The following PCDHGA6 variants were observed in gnomAD, a reference collection of about 807,000 sequenced individuals.
The protein encoded by PCDHGA6 is protocadherin gamma-A6.
PCDHGA6 carries 41 observed loss-of-function variants against 60.6 expected under a neutral mutation model. The observed-to-expected ratio is 0.68, with a 90% CI of 0.53 to 0.88. PCDHGA6 has a LOEUF of 0.88. Among genes scored for constraint, PCDHGA6 ranks in the 40% least tolerant of loss-of-function variants. The pLI is 0.00. For missense variants in PCDHGA6, 1,312 were observed against 1,203.0 expected (o/e 1.09, Z -1.34); for synonymous variants, 594 against 524.4 (o/e 1.13, Z -1.81).
chr5:141,463,927 A>G (rs1454864391), intron 1 of PCDHGA6, among the ~76,000 whole-genome samples: 1 of 152,206 alleles, frequency 6.6e-6, no homozygotes, highest in Non-Finnish European at 1.5e-5. Flanking sequence ...AAATCATTCT[A>G]TATAAATTTA....
In PCDHGA6 at chr5:141,398,540, T is replaced by C. The variant is rs372892054; in HGVS notation, c.2424+22033T>C. On this transcript the variant is annotated intron_variant, in intron 1 of 3. Transcript: ENST00000517434. The stretch of plus-strand genomic sequence containing the variant: ...ACGCCAAAATTCACGCAAAATTCCT[T>C]TGAGCTGCAAATAAGTGAGTCTGCA... 12 of 1,613,764 alleles carry C rather than the reference T, an allele frequency of 7.4e-6. No homozygotes were observed. The African/African-American group carries it at 1.2e-4, about 16-fold the overall frequency.
rs376937850 is a variant in PCDHGA6 at position 141,491,097 on chromosome 5, C to T, written c.2425-3710C>T. The T allele has an allele frequency of 1.2e-6, 2 of 1,614,170 alleles. No homozygotes were observed. Among genetic ancestry groups the T allele is most frequent in the Non-Finnish European group, 1.7e-6 (2 of 1,180,018 alleles). On this transcript the variant is annotated intron_variant, in intron 1 of 3. Coordinates refer to ENST00000517434, the MANE Select transcript of PCDHGA6 (RefSeq NM_018919.3). The surrounding 1 kb of genome is among the most constrained non-coding windows in gnomAD (Gnocchi z 6.9). ...CACAGTCCACAGCCCCAGGACTGTT[C>T]CTCGTGTCTACACACACTGGTGAGG...
At position 141,489,963 on chromosome 5, in the gene PCDHGA6, C is replaced by A. The variant is rs779260164; in HGVS notation, c.2425-4844C>A. On this transcript the variant is annotated intron_variant, in intron 1 of 3. Coordinates refer to ENST00000517434, the MANE Select transcript of PCDHGA6 (RefSeq NM_018919.3). This position sits in a 1 kb window ranked among gnomAD's most constrained non-coding sequence, Gnocchi z 4.5. Reference sequence around the variant, plus strand: ...TGGACATCAATGATAATGCTCCAACCTTCCAATCCTCAGTTCTACGTGTGG... The same window carrying A: ...TGGACATCAATGATAATGCTCCAACATTCCAATCCTCAGTTCTACGTGTGG... The A allele has an allele frequency of 8.1e-6, 13 of 1,614,184 alleles. No homozygotes were observed. In the East Asian group the frequency reaches 2.2e-4, roughly 28 times the overall value.
intron 1 of PCDHGA6, among the ~76,000 whole-genome samples, chr5:141,443,905 A>G (rs963772369): frequency 6.6e-6 from 1 of 152,204 alleles, no homozygotes; most frequent in Admixed American, 6.5e-5. Context: ...TAGTAGGAAA[A>G]TTCATAAAAG....
At chr5:141,419,204 G>A (rs1291977951) in intron 1 of PCDHGA6, 1 of 1,613,798 alleles carries the variant, frequency 6.2e-7, no homozygotes, top group Non-Finnish European at 8.5e-7. Flanking sequence ...CAATGACAAC[G>A]CGCCGGTTTT....
At chr5:141,507,537 C>CA (rs140454890) in intron 3 of PCDHGA6, among the ~76,000 whole-genome samples, 3,617 of 152,286 alleles carry the variant, frequency 0.024, 53 homozygotes, top group East Asian at 0.043. Context: ...AGGCCAGAGA[C>CA]TGAGTATGAA....
chr5:141,401,503 C>A (rs755118621), intron 1 of PCDHGA6, among the ~76,000 whole-genome samples: 1 of 151,946 alleles, frequency 6.6e-6, no homozygotes, highest in Non-Finnish European at 1.5e-5. Flanking sequence ...AATCCTTTTC[C>A]ACCTCTATAT....
chr5:141,431,904 T>A lies in PCDHGA6; in HGVS notation c.2424+55397T>A. On this transcript the variant is annotated intron_variant, in intron 1 of 3. Transcript: ENST00000517434. The surrounding 1 kb of genome is among the most constrained non-coding windows in gnomAD (Gnocchi z 4.8). ...CAAGATTCTGAGGAAAACGGACAGG[T>A]GATCTGTTTCATCCAAGGAAATCTG... is the stretch of plus-strand genomic sequence containing the variant. 1 of 1,613,846 alleles carries A rather than the reference T, an allele frequency of 6.2e-7. No individual in the cohort carries two copies. Among genetic ancestry groups the A allele is most frequent in the Non-Finnish European group, 8.5e-7 (1 of 1,179,708 alleles).
Position 141,383,322 on chromosome 5 carries a change from A to G in PCDHGA6, c.2424+6815A>G, listed in dbSNP as rs369432251. 6.8e-6 allele frequency: 11 copies of G among 1,613,876 alleles called. No homozygotes were observed. The African/African-American group carries it at 1.3e-4, about 20-fold the overall frequency. ...TCTTGACGGAAGAAATAAATGTAAA[A>G]ATAATGGAGAATACAGCTCCTGGGG... is the stretch of plus-strand genomic sequence containing the variant. On this transcript the variant is annotated intron_variant, in intron 1 of 3. Coordinates refer to ENST00000517434, the MANE Select transcript of PCDHGA6 (RefSeq NM_018919.3).
chr5:141,487,442 G>A lies in PCDHGA6; in HGVS notation c.2425-7365G>A, dbSNP rs749842864. 1 of 1,613,918 alleles carries A rather than the reference G, an allele frequency of 6.2e-7. No homozygotes were observed. Among genetic ancestry groups the A allele is most frequent in the Non-Finnish European group, 8.5e-7 (1 of 1,179,798 alleles). On this transcript the variant is annotated intron_variant, in intron 1 of 3. Coordinates refer to ENST00000517434, the MANE Select transcript of PCDHGA6 (RefSeq NM_018919.3). The surrounding 1 kb of genome is among the most constrained non-coding windows in gnomAD (Gnocchi z 5.0). ...GATCCTCCGAATCCAGCTAGGGTCA[G>A]ATGACCCTATCAAGTTTGTTGATGT...
rs1299607088 is a variant in PCDHGA6 at position 141,472,933 on chromosome 5, C to T, written c.2425-21874C>T. ...CCCAAGAGGAGGAGGTTGTGGTGAG[C>T]CAAGATTATGCCATTGCACTCCAGC... On this transcript the variant is annotated intron_variant, in intron 1 of 3. Coordinates refer to ENST00000517434, the MANE Select transcript of PCDHGA6 (RefSeq NM_018919.3). Among the ~76,000 whole-genome samples, 4 of 143,758 alleles carry T rather than the reference C, an allele frequency of 2.8e-5. No individual in the cohort carries two copies. In the Admixed American group the frequency reaches 2.9e-4, roughly 10 times the overall value. 94.3% of individuals were successfully genotyped at this position (143,758 alleles called of 152,430 possible). A position where few individuals can be genotyped will look rare whatever the true frequency, so the allele number is the denominator to read the frequency against.
intron 2 of PCDHGA6, 145 bp downstream of exon 2, chr5:141,495,010 G>GT: frequency 6.6e-7 from 1 of 1,516,970 alleles, no homozygotes; most frequent in East Asian, 2.5e-5. Flanking sequence ...GTGTGCGGGG[G>GT]GCTGGCACAC....
chr5:141,384,252 C>T lies in PCDHGA6; in HGVS notation c.2424+7745C>T, dbSNP rs377503121. ...CAGACACCAACGATAACCCACCCAC[C>T]TTCCCCCACTCATCCTACTCAGTCT... is the stretch of plus-strand genomic sequence containing the variant. On this transcript the variant is annotated intron_variant, in intron 1 of 3. Coordinates refer to ENST00000517434, the MANE Select transcript of PCDHGA6 (RefSeq NM_018919.3). 204 of 1,613,902 alleles carry T rather than the reference C, an allele frequency of 1.3e-4. 1 individual carries two copies. The highest frequency in any genetic ancestry group is 1.5e-4 in the Non-Finnish European group (179 of 1,179,886).
chr5:141,421,895 G>A, intron 1 of PCDHGA6: 1 of 1,613,730 alleles, frequency 6.2e-7, no homozygotes, highest in African/African-American at 1.3e-5. Flanking sequence ...GATCCCATCC[G>A]AAAGGGCGCA....
chr5:141,494,891 C>G, intron 2 of PCDHGA6, 26 bp downstream of exon 2: 1 of 1,614,098 alleles, frequency 6.2e-7, no homozygotes. Flanking sequence ...TCCAGCCCAC[C>G]CTCTTCTCTG....
chr5:141,476,843 G>A lies in PCDHGA6; in HGVS notation c.2425-17964G>A, dbSNP rs2099399765. On this transcript the variant is annotated intron_variant, in intron 1 of 3. Transcript: ENST00000517434. The surrounding 1 kb of genome is among the most constrained non-coding windows in gnomAD (Gnocchi z 7.6). ...GCTGGACGCGAATGACAATGCGCCT[G>A]TCTTCAACCAGTCCTTGTACCGGGC... 1 of 1,613,706 alleles carries A rather than the reference G, an allele frequency of 6.2e-7. No individual in the cohort carries two copies. Among genetic ancestry groups the A allele is most frequent in the Non-Finnish European group, 8.5e-7 (1 of 1,180,046 alleles).
intron 1 of PCDHGA6, chr5:141,423,956 A>G: frequency 1.7e-6 from 2 of 1,182,724 alleles, no homozygotes; most frequent in Non-Finnish European, 2.1e-6. Flanking sequence ...TTTTAGTATT[A>G]TTTTTCTATT....
rs759357506 is a variant in PCDHGA6, at chr5:141,376,190, G to A, written c.2107G>A (p.Val703Ile). The A allele has an allele frequency of 5.6e-6, 9 of 1,614,116 alleles. No individual in the cohort carries two copies. Among genetic ancestry groups the A allele is most frequent in the Admixed American group, 1.7e-5 (1 of 60,024 alleles). Residue 703 changes from valine to isoleucine, a missense_variant, in exon 1 of 4, where the codon GTC becomes ATC. Coordinates refer to ENST00000517434, the MANE Select transcript of PCDHGA6 (RefSeq NM_018919.3). ...LVVAVAAVSCVFLAFVIVLLA... is the reference protein window; with the variant it reads ...LVVAVAAVSCIFLAFVIVLLA... ...GGTGGCGGTGGCCGCGGTCTCCTGC[G>A]TCTTCCTGGCCTTCGTCATCGTGCT... is the stretch of plus-strand genomic sequence containing the variant.
intron 1 of PCDHGA6, chr5:141,417,914 C>T: frequency 6.2e-7 from 1 of 1,602,320 alleles, no homozygotes; most frequent in Non-Finnish European, 8.5e-7. Context: ...GGTACTATTT[C>T]CTTTGCTGCT....
Sources: gnomAD v4.1 joint callset for allele counts (sites outside exome capture counted in the v4.1 genomes callset) on GRCh38, gnomAD v4.1.1 for gene constraint, Gnocchi (gnomAD v3.1) non-coding constraint, MANE v1.5 for transcripts, NCBI Gene and HGNC (gene_info 2026-07-23, HGNC 2026-07-21) for gene names.